Variants in ULK4 observed in about 807,000 individuals in gnomAD.
ULK4 encodes the protein unc-51 like kinase 4.
ULK4 carries 133 observed loss-of-function variants against 160.6 expected under a neutral mutation model. The observed-to-expected ratio is 0.83, with a 90% CI of 0.72 to 0.96. The LOEUF is 0.96. ULK4 is among the 40% of genes least tolerant of loss of function. ULK4 has a pLI of 0.00. For missense variants in ULK4, 1,580 were observed against 1,499.5 expected (o/e 1.05, Z -0.89); for synonymous variants, 534 against 539.8 (o/e 0.99, Z 0.15).
At chr3:41,839,933 T>C (rs1429148098) in intron 17 of ULK4, among the ~76,000 whole-genome samples, 1 of 152,108 alleles carries the variant, frequency 6.6e-6, no homozygotes, top group Non-Finnish European at 1.5e-5. Flanking sequence ...AAAGAACATC[T>C]AAATAAATGG....
intron 31 of ULK4, among the ~76,000 whole-genome samples, chr3:41,588,859 G>T (rs9855751): frequency 0.57 from 87,178 of 151,962 alleles, 26,177 homozygotes; most frequent in African/African-American, 0.78. Context: ...AAGTACTGAG[G>T]TCAATATTTT....
At chr3:41,923,665 C>A (rs752279385) in intron 5 of ULK4, among the ~76,000 whole-genome samples, 3 of 152,182 alleles carry the variant, frequency 2.0e-5, no homozygotes, top group Non-Finnish European at 4.4e-5. Flanking sequence ...AGTTGGAGGC[C>A]TTGGTCAGTT....
At chr3:41,341,081 A>G (rs1379017631) in intron 35 of ULK4, among the ~76,000 whole-genome samples, 1 of 152,196 alleles carries the variant, frequency 6.6e-6, no homozygotes, top group Non-Finnish European at 1.5e-5. Flanking sequence ...GTGCCATCTC[A>G]CGGCTGGGAG....
At chr3:41,634,705 T>C (rs1237636326) in intron 30 of ULK4, among the ~76,000 whole-genome samples, 1 of 152,154 alleles carries the variant, frequency 6.6e-6, no homozygotes, top group Non-Finnish European at 1.5e-5. Context: ...AGTGTAGACA[T>C]GGAAACTGAG....
chr3:41,551,873 T>C (rs1412807946), intron 32 of ULK4, among the ~76,000 whole-genome samples: 2 of 151,868 alleles, frequency 1.3e-5, no homozygotes, highest in Admixed American at 6.6e-5. Context: ...AACAAAACAC[T>C]AGCAAAAAGA....
chr3:41,751,662 C>T (rs1467743081), intron 22 of ULK4, among the ~76,000 whole-genome samples: 4 of 152,182 alleles, frequency 2.6e-5, no homozygotes, highest in African/African-American at 9.7e-5. Context: ...GTGTCATACC[C>T]AATCTCTGAA....
chr3:41,738,908 G>A (rs74860314), intron 22 of ULK4, among the ~76,000 whole-genome samples: 1,890 of 151,932 alleles, frequency 0.012, 86 homozygotes, highest in African/African-American at 0.043. Context: ...CAGGCCTTAT[G>A]ACCTAGCATA....
chr3:41,677,483 C>A (rs867198183), intron 29 of ULK4, among the ~76,000 whole-genome samples: 4 of 152,032 alleles, frequency 2.6e-5, no homozygotes, highest in Non-Finnish European at 4.4e-5. Flanking sequence ...AGGTGCCTGC[C>A]ATCACACCCA....
intron 32 of ULK4, among the ~76,000 whole-genome samples, chr3:41,543,775 ACT>A (rs1443212698): frequency 6.6e-6 from 1 of 151,744 alleles, no homozygotes; most frequent in Non-Finnish European, 1.5e-5. Flanking sequence ...AAATTAGCTG[ACT>A]CTTTTTTCTG....
chr3:41,499,325 C>G (rs1366035748), intron 32 of ULK4, among the ~76,000 whole-genome samples: 1 of 152,128 alleles, frequency 6.6e-6, no homozygotes, highest in African/African-American at 2.4e-5. Flanking sequence ...GAGAAGAGTG[C>G]CTTGCTTTTG....
intron 31 of ULK4, among the ~76,000 whole-genome samples, chr3:41,606,909 T>C (rs1352536229): frequency 1.3e-5 from 2 of 152,296 alleles, no homozygotes; most frequent in East Asian, 3.9e-4. Context: ...ATTTTACAGG[T>C]TGTCTCTTCG....
intron 31 of ULK4, among the ~76,000 whole-genome samples, chr3:41,590,333 G>A (rs1295052554): frequency 1.3e-5 from 2 of 151,224 alleles, no homozygotes; most frequent in African/African-American, 4.8e-5. Context: ...TAAAAAAGAA[G>A]GGCCTGGTGC....
chr3:41,859,600 C>G (rs947420048), intron 17 of ULK4: 1 of 509,038 alleles, frequency 2.0e-6, no homozygotes, highest in South Asian at 1.5e-5. Context: ...TGCATGGTCA[C>G]TGCCTGAGCT....
intron 22 of ULK4, among the ~76,000 whole-genome samples, chr3:41,746,056 C>G (rs2038407855): frequency 6.6e-6 from 1 of 150,884 alleles, no homozygotes; most frequent in Non-Finnish European, 1.5e-5. Context: ...TAACACCATA[C>G]TTAACAGTGG....
At chr3:41,250,320 G>C (rs2125667095) in intron 35 of ULK4, among the ~76,000 whole-genome samples, 1 of 152,296 alleles carries the variant, frequency 6.6e-6, no homozygotes, top group Non-Finnish European at 1.5e-5. Context: ...ATTCACCGTT[G>C]CCTCCTATTG....
At chr3:41,894,478 T>C (rs1003398063) in intron 16 of ULK4, among the ~76,000 whole-genome samples, 4 of 152,152 alleles carry the variant, frequency 2.6e-5, no homozygotes, top group African/African-American at 9.7e-5. Context: ...ATCCACAAAA[T>C]CCTTTCGCCT....
At position 41,379,150 on chromosome 3, in the gene ULK4, C is replaced by A. The variant is rs145541018; in HGVS notation, c.3678+18929G>T. On this transcript the variant is annotated intron_variant, in intron 35 of 36. Coordinates refer to ENST00000301831, the MANE Select transcript of ULK4 (RefSeq NM_017886.4). ...AGCAAACCACCATGGCACATGTATA[C>A]CTATGTAATAAACCTGCACATTCTG... 5.5e-4 allele frequency among the ~76,000 whole-genome samples: 83 copies of A among 151,572 alleles called. No individual in the cohort carries two copies. In the East Asian group the frequency reaches 0.014, roughly 25 times the overall value.
chr3:41,704,093 A>G (rs2036780840), intron 27 of ULK4, among the ~76,000 whole-genome samples: 1 of 152,198 alleles, frequency 6.6e-6, no homozygotes, highest in Admixed American at 6.5e-5. Context: ...ACTGCTATCT[A>G]AAATTTTGCC....
chr3:41,804,363 T>C (rs904335869), intron 19 of ULK4, among the ~76,000 whole-genome samples: 7 of 152,212 alleles, frequency 4.6e-5, no homozygotes, highest in Non-Finnish European at 8.8e-5. Flanking sequence ...TTTGAGTTCA[T>C]TGTAGATTCT....
Sources: allele counts gnomAD v4.1 joint callset (sites outside exome capture counted in the v4.1 genomes callset), GRCh38; gene constraint gnomAD v4.1.1; transcripts MANE v1.5; gene names NCBI Gene and HGNC (gene_info 2026-07-23, HGNC 2026-07-21).